The following GABRG3 variants were observed in gnomAD, a reference collection of about 807,000 sequenced individuals.
GABRG3 encodes gamma-aminobutyric acid type A receptor subunit gamma3.
A neutral mutation model predicts 48.8 loss-of-function variants in GABRG3; 25 were observed. The observed-to-expected ratio is 0.51, with a 90% confidence interval of 0.37 to 0.72. The LOEUF is 0.72. Ranked by LOEUF, GABRG3 falls within the 30% of genes least tolerant of loss-of-function variation. The pLI, the probability that GABRG3 is intolerant of heterozygous loss-of-function variation, is 0.00. For synonymous variants in GABRG3, 227 were observed against 217.6 expected, an observed-to-expected ratio of 1.04 and a Z score of -0.38; for missense variants, 394 against 577.9, an observed-to-expected ratio of 0.68 and a Z score of 3.26.
At chr15:27,297,344 A>G (rs113673783) in intron 3 of GABRG3, among the ~76,000 whole-genome samples, 218 of 152,272 alleles carry the variant, frequency 1.4e-3, no homozygotes, top group African/African-American at 5.1e-3. Flanking sequence ...GCGTACTGGG[A>G]TGTCTTGGCC....
chr15:27,294,989 T>C (rs910755225), intron 3 of GABRG3: 4 of 152,146 alleles, frequency 2.6e-5, no homozygotes, highest in Admixed American at 6.5e-5. Flanking sequence ...GAAGGAGACC[T>C]GGCCAGGTGC....
At chr15:27,426,541 GT>G (rs1888298474) in intron 5 of GABRG3, among the ~76,000 whole-genome samples, 1 of 152,104 alleles carries the variant, frequency 6.6e-6, no homozygotes, top group Non-Finnish European at 1.5e-5. Flanking sequence ...TTGGCCAGGC[GT>G]GGTGTCTCAT....
At chr15:27,283,662 T>G (rs57326575) in intron 3 of GABRG3, among the ~76,000 whole-genome samples, 21,487 of 152,088 alleles carry the variant, frequency 0.14, 3,813 homozygotes, top group African/African-American at 0.41. Flanking sequence ...TGGTGGGAGA[T>G]CAGTCTTCGC....
At chr15:27,502,528 T>C (rs1411476867) in intron 6 of GABRG3, among the ~76,000 whole-genome samples, 2 of 152,166 alleles carry the variant, frequency 1.3e-5, no homozygotes, top group African/African-American at 4.8e-5. Context: ...GGACACCAGC[T>C]GGGTGTCCAC....
At chr15:27,297,689 T>G (rs2140490639) in intron 3 of GABRG3, among the ~76,000 whole-genome samples, 1 of 152,318 alleles carries the variant, frequency 6.6e-6, no homozygotes, top group Non-Finnish European at 1.5e-5. Context: ...AATGCATTTC[T>G]TAGAATGTTA....
chr15:27,088,992 G>A (rs1394291653), intron 3 of GABRG3, among the ~76,000 whole-genome samples: 3 of 152,178 alleles, frequency 2.0e-5, no homozygotes, highest in Non-Finnish European at 4.4e-5. Context: ...GGGAGAGCCT[G>A]GGGGTGTCAG....
At chr15:27,495,686 G>T (rs900111184) in intron 6 of GABRG3, among the ~76,000 whole-genome samples, 1 of 152,030 alleles carries the variant, frequency 6.6e-6, no homozygotes, top group African/African-American at 2.4e-5. Context: ...AATTTCCTTT[G>T]ATTATTTTTG....
intron 5 of GABRG3, among the ~76,000 whole-genome samples, chr15:27,439,313 G>A (rs1366968673): frequency 6.6e-6 from 1 of 152,170 alleles, no homozygotes; most frequent in East Asian, 1.9e-4. Context: ...AAGGAGAGAT[G>A]GGTGGATGGT....
At chr15:27,296,303 A>C (rs955012366) in intron 3 of GABRG3, among the ~76,000 whole-genome samples, 1 of 152,234 alleles carries the variant, frequency 6.6e-6, no homozygotes, top group African/African-American at 2.4e-5. Context: ...AAGAAGTTGC[A>C]TAAACAATAT....
intron 3 of GABRG3, among the ~76,000 whole-genome samples, chr15:27,200,508 G>A (rs1888647836): frequency 6.6e-6 from 1 of 152,112 alleles, no homozygotes; most frequent in Admixed American, 6.6e-5. Flanking sequence ...CGCCTCTCCA[G>A]GTGCCCCAGA....
chr15:27,347,699 G>A (rs1328802353), intron 5 of GABRG3, among the ~76,000 whole-genome samples: 1 of 152,216 alleles, frequency 6.6e-6, no homozygotes, highest in Non-Finnish European at 1.5e-5. Flanking sequence ...GCTCAGGAAA[G>A]TGTTGGGGGA....
Position 26,974,850 on chromosome 15 carries a change from T to G in GABRG3, c.54-2152T>G, listed in dbSNP as rs1894908746. Among the ~76,000 whole-genome samples, 1 of 50,330 alleles carries G rather than the reference T, an allele frequency of 2.0e-5. No individual in the cohort carries two copies. Among genetic ancestry groups the G allele is most frequent in the Non-Finnish European group, 3.5e-5 (1 of 28,276 alleles). The allele number at this position is 50,330 out of a possible 152,430, so 33.0% of individuals were successfully genotyped here. A position where few individuals can be genotyped will look rare whatever the true frequency, so the allele number is the denominator to read the frequency against. ...CACGAAATATTTTTTAAATTTATTA[T>G]TATTATTATTATTATTATTATTATT... On this transcript the variant is annotated intron_variant, in intron 1 of 9. Coordinates refer to ENST00000615808, the MANE Select transcript of GABRG3 (RefSeq NM_033223.5). This position sits in a 1 kb window ranked among gnomAD's most constrained non-coding sequence, Gnocchi z 4.3.
Position 27,313,047 on chromosome 15 carries a change from T to A in GABRG3, c.271-13762T>A, listed in dbSNP as rs201201278. 3.4e-5 allele frequency among the ~76,000 whole-genome samples: 5 copies of A among 148,434 alleles called. No individual in the cohort carries two copies. In the East Asian group the frequency reaches 6.0e-4, roughly 18 times the overall value. ...AGAATGAAGGGTGGAAAAAAAAAAC[T>A]CCATGCAAATGGCAACCAAAAGAGA... On this transcript the variant is annotated intron_variant, in intron 3 of 9. Transcript: ENST00000615808.
intron 5 of GABRG3, among the ~76,000 whole-genome samples, chr15:27,339,833 G>C (rs765344735): frequency 2.6e-5 from 4 of 152,094 alleles, no homozygotes; most frequent in Non-Finnish European, 5.9e-5. Context: ...GGATAAGAAG[G>C]GGACTTCTCA....
intron 3 of GABRG3, among the ~76,000 whole-genome samples, chr15:27,184,889 G>T (rs1454673): frequency 0.64 from 97,491 of 151,344 alleles, 31,978 homozygotes; most frequent in East Asian, 0.88. Context: ...AGATCCTGTG[G>T]TTCACTCCTG....
intron 3 of GABRG3, among the ~76,000 whole-genome samples, chr15:27,208,849 T>C (rs748565018): frequency 1.3e-5 from 2 of 152,212 alleles, no homozygotes; most frequent in Non-Finnish European, 2.9e-5. Flanking sequence ...ATACGGATTC[T>C]ATGCAAAGAA....
intron 3 of GABRG3, among the ~76,000 whole-genome samples, chr15:27,106,607 A>T (rs773160582): frequency 2.6e-5 from 4 of 152,010 alleles, no homozygotes; most frequent in Non-Finnish European, 4.4e-5. Flanking sequence ...GTGAAAATAG[A>T]AAAATAGAGA....
intron 3 of GABRG3, among the ~76,000 whole-genome samples, chr15:27,249,406 C>T (rs1477743472): frequency 2.0e-5 from 3 of 152,228 alleles, no homozygotes; most frequent in Admixed American, 6.5e-5. Flanking sequence ...CTGGGCCTTG[C>T]AGAGCAGCAT....
intron 3 of GABRG3, among the ~76,000 whole-genome samples, chr15:27,165,121 T>G (rs1056465604): frequency 3.3e-5 from 5 of 152,232 alleles, no homozygotes; most frequent in Non-Finnish European, 7.3e-5. Flanking sequence ...TACCAAAAAC[T>G]GATGGTTCTT....
Sources: allele counts gnomAD v4.1 joint callset (sites outside exome capture counted in the v4.1 genomes callset), GRCh38; gene constraint gnomAD v4.1.1; non-coding constraint Gnocchi (gnomAD v3.1); transcripts MANE v1.5; gene names NCBI Gene and HGNC (gene_info 2026-07-23, HGNC 2026-07-21).